ZNF263: variants seen among roughly 807,000 people sequenced by gnomAD.
ZNF263 encodes zinc finger protein 263.
Under a neutral mutation model 63.1 loss-of-function variants are expected in ZNF263, and 49 were observed. That is an observed-to-expected ratio of 0.78 (90% CI 0.62 to 0.99). ZNF263 has a LOEUF of 0.99. Ranked by LOEUF, ZNF263 falls within the 50% of genes least tolerant of loss-of-function variation. The probability of loss-of-function intolerance (pLI) is 0.00; values close to 1 mark genes in which losing one functional copy is unlikely to be tolerated. For missense variants in ZNF263, 872 were observed against 854.8 expected, an observed-to-expected ratio of 1.02 and a Z score of -0.25; for synonymous variants, 352 against 324.2, an observed-to-expected ratio of 1.09 and a Z score of -0.92.
In ZNF263 at chr16:3,289,676, C is replaced by T. The variant is rs748177334; in HGVS notation, c.1170C>T (p.Asn390=). 3.7e-6 allele frequency: 6 copies of T among 1,614,220 alleles called. No homozygotes were observed. In the Admixed American group the frequency reaches 8.3e-5, roughly 22 times the overall value. Residue 390 remains asparagine, a synonymous_variant, in exon 6 of 6, where the codon AAC becomes AAT. Transcript: ENST00000219069. ...TGTGTGGCAAAAATTTCTCTAACAA[C>T]TCAAACCTAATTAGGCACCAGAGAA... The part of the protein sequence containing the change: ...CPLCGKNFSN[N]SNLIRHQRIH...
chr16:3,287,260 G>A lies in ZNF263; in HGVS notation c.769+1111G>A, dbSNP rs765992. 2.3e-3 allele frequency among the ~76,000 whole-genome samples: 355 copies of A among 152,128 alleles called. 1 individual carries two copies. Among genetic ancestry groups the A allele is most frequent in the Non-Finnish European group, 3.2e-3 (217 of 67,992 alleles). On this transcript the variant is annotated intron_variant, in intron 4 of 5. Coordinates refer to ENST00000219069, the MANE Select transcript of ZNF263 (RefSeq NM_005741.5). ...AGAGTAGCTGGGATTACAGGCATGC[G>A]CCACCACACCCGGCTAATTTTTTGT...
intron 1 of ZNF263, chr16:3,298,884 C>T (rs1959845194): frequency 1.8e-5 from 9 of 511,522 alleles, no homozygotes; most frequent in Non-Finnish European, 2.9e-5. Context: ...CACTGATATA[C>T]AAAATAATGT....
intron 2 of ZNF263, chr16:3,300,742 T>C (rs1959917261): frequency 2.8e-6 from 4 of 1,435,330 alleles, no homozygotes; most frequent in African/African-American, 2.9e-5. Flanking sequence ...GGGCATTGTA[T>C]TGGAGGATAA....
chr16:3,289,359 T>A (rs756307044), intron 5 of ZNF263, 34 bp from the exon 6 acceptor site: 1 of 1,496,116 alleles, frequency 6.7e-7, no homozygotes, highest in East Asian at 2.3e-5. Context: ...AGCATAGAAA[T>A]AATGTACGGG....
At chr16:3,284,999 A>G in intron 1 of ZNF263, 60 bp from the exon 2 acceptor site, 2 of 1,593,164 alleles carry the variant, frequency 1.3e-6, no homozygotes, top group Non-Finnish European at 1.7e-6. Flanking sequence ...AGTATCCTAT[A>G]CTAATTTCCC....
At position 3,288,339 on chromosome 16, in the gene ZNF263, G is replaced by T. The variant is rs570154376; in HGVS notation, c.770-115G>T. 2.8e-4 allele frequency: 219 copies of T among 784,276 alleles called. No homozygotes were observed. The highest frequency in any genetic ancestry group is 2.5e-3 in the Admixed American group (129 of 51,518). The allele number at this position is 784,276 out of a possible 1,614,324, so 48.6% of individuals were successfully genotyped here. A position where few individuals can be genotyped will look rare whatever the true frequency, so the allele number is the denominator to read the frequency against. ...TTTGTGTATATTCCAAGTAACTGCTGTCAGATTTATGGAGCATTCTGTATT... is the reference window on the plus strand; with the variant it reads ...TTTGTGTATATTCCAAGTAACTGCTTTCAGATTTATGGAGCATTCTGTATT... On this transcript the variant is annotated intron_variant, in intron 4 of 5. Coordinates refer to ENST00000219069, the MANE Select transcript of ZNF263 (RefSeq NM_005741.5).
At chr16:3,295,577 C>A (rs1471647398), downstream of ZNF263, among the ~76,000 whole-genome samples, 1 of 97,360 alleles carries the variant, frequency 1.0e-5, no homozygotes, top group African/African-American at 5.7e-5. Flanking sequence ...GGGGTGCGTG[C>A]GAGCGGGCGC....
Position 3,291,336 on chromosome 16 carries a change from G to C in ZNF263, c.*778G>C. On this transcript the variant is annotated 3_prime_UTR_variant, in exon 6 of 6. Coordinates refer to ENST00000219069, the MANE Select transcript of ZNF263 (RefSeq NM_005741.5). ...CTTGTTCCTGACTCCAGAGGAACGA[G>C]AGCATTCCAGGAAAGAGAGATTCCC... is the stretch of plus-strand genomic sequence containing the variant. 1.0e-6 allele frequency: 1 copy of C among 985,442 alleles called. No individual in the cohort carries two copies. The highest frequency in any genetic ancestry group is 1.2e-6 in the Non-Finnish European group (1 of 829,920). 61.0% of individuals were successfully genotyped at this position (985,442 alleles called of 1,614,324 possible). A position where few individuals can be genotyped will look rare whatever the true frequency, so the allele number is the denominator to read the frequency against.
intron 1 of ZNF263, chr16:3,298,959 C>G: frequency 8.3e-7 from 1 of 1,201,990 alleles, no homozygotes; most frequent in Non-Finnish European, 1.1e-6. Flanking sequence ...TCTTTAAACA[C>G]AAAATCTAAT....
chr16:3,299,418 C>G, intron 2 of ZNF263: 1 of 1,557,510 alleles, frequency 6.4e-7, no homozygotes. Context: ...GAAGATTTTC[C>G]CATGCATTTG....
chr16:3,299,835 T>C, intron 2 of ZNF263: 1 of 1,590,932 alleles, frequency 6.3e-7, no homozygotes. Flanking sequence ...CTGAAAACAA[T>C]TCTCTGGTGA....
rs758826698 is a variant in ZNF263, at chr16:3,290,114, C to T, written c.1608C>T (p.His536=). The T allele has an allele frequency of 3.8e-5, 62 of 1,613,822 alleles. No individual in the cohort carries two copies. The highest frequency in any genetic ancestry group is 1.5e-4 in the South Asian group (14 of 91,040). Residue 536 remains histidine (H), a synonymous_variant, in exon 6 of 6, where the codon CAC becomes CAT. Coordinates refer to ENST00000219069, the MANE Select transcript of ZNF263 (RefSeq NM_005741.5). ...CTCGGAGTTCACACCTCGTCATTCACGAAAGAACTCATGAGAGAGAGAGAC... is the reference window on the plus strand; with the variant it reads ...CTCGGAGTTCACACCTCGTCATTCATGAAAGAACTCATGAGAGAGAGAGAC... The part of the protein sequence containing the change: ...SFSRSSHLVI[H]ERTHERERLY...
At chr16:3,291,583 C>T (rs1350874010), downstream of ZNF263, 4 of 817,032 alleles carry the variant, frequency 4.9e-6, no homozygotes, top group Admixed American at 6.2e-5. Context: ...AAGATGCTGA[C>T]AAAGGAGGCA....
intron 2 of ZNF263, chr16:3,299,950 T>G (rs2150779413): frequency 6.2e-7 from 1 of 1,613,410 alleles, no homozygotes; most frequent in Non-Finnish European, 8.5e-7. Context: ...CTTTAATTTA[T>G]GAGTTCCGTC....
At position 3,290,944 on chromosome 16, in the gene ZNF263, T is replaced by G. The variant is rs1449509881; in HGVS notation, c.*386T>G. On this transcript the variant is annotated 3_prime_UTR_variant, in exon 6 of 6. Transcript: ENST00000219069. The stretch of plus-strand genomic sequence containing the variant: ...CTTCTTCCTCATTTGGGACATTCAG[T>G]AGGAGCATTTGGGCTTCCGGGGCCC... The G allele has an allele frequency of 2.0e-6, 2 of 1,004,244 alleles. No homozygotes were observed. Among genetic ancestry groups the G allele is most frequent in the East Asian group, 1.0e-4 (1 of 9,888 alleles). 62.2% of individuals were successfully genotyped at this position (1,004,244 alleles called of 1,614,324 possible). A position where few individuals can be genotyped will look rare whatever the true frequency, so the allele number is the denominator to read the frequency against.
downstream of ZNF263, chr16:3,293,323 G>A (rs1287254160): frequency 6.6e-6 from 1 of 152,154 alleles, no homozygotes; most frequent in Non-Finnish European, 1.5e-5. Flanking sequence ...CTTCCCCTTT[G>A]CCTTCCGCCA....
Position 3,298,734 on chromosome 16 carries a change from T to C in ZNF263, c.152-372T>C, listed in dbSNP as rs1959838264. 4 of 318,294 alleles carry C rather than the reference T, an allele frequency of 1.3e-5. No homozygotes were observed. The South Asian group carries it at 6.2e-4, about 50-fold the overall frequency. 19.7% of individuals were successfully genotyped at this position (318,294 alleles called of 1,614,324 possible). A position where few individuals can be genotyped will look rare whatever the true frequency, so the allele number is the denominator to read the frequency against. ...CGCAAAGGCATTCCACCTTAGATAA[T>C]CTGGGACAATACTTCATTATTCAGA... is the stretch of plus-strand genomic sequence containing the variant. On this transcript the variant is annotated intron_variant, in intron 1 of 2. Transcript: ENST00000574674.
intron 1 of ZNF263, 33 bp from the exon 2 acceptor site, chr16:3,285,026 T>C: frequency 6.2e-7 from 1 of 1,611,696 alleles, no homozygotes; most frequent in South Asian, 1.1e-5. Context: ...TTGGGCCCTG[T>C]TGTGATGATG....
At chr16:3,296,099 C>T (rs1454041729), downstream of ZNF263, among the ~76,000 whole-genome samples, 3 of 152,212 alleles carry the variant, frequency 2.0e-5, no homozygotes, top group African/African-American at 7.2e-5. Flanking sequence ...CTATCCAAGT[C>T]TCAAAGGCCC....
Sources: allele counts gnomAD v4.1 joint callset (sites outside exome capture counted in the v4.1 genomes callset), GRCh38; gene constraint gnomAD v4.1.1; transcripts MANE v1.5; gene names NCBI Gene and HGNC (gene_info 2026-07-23, HGNC 2026-07-21).